Variants in TRDN observed in about 807,000 individuals in gnomAD.
TRDN encodes the protein triadin in skeletal muscle.
In TRDN, 161 loss-of-function variants were observed where a neutral mutation model predicts 149.7. The ratio of observed to expected loss-of-function variants is 1.08; its 90% CI spans 0.95 to 1.23. TRDN has a LOEUF of 1.23. TRDN is among the 50% of genes most tolerant of loss of function. TRDN has a pLI of 0.00. For synonymous variants in TRDN, 294 were observed against 250.5 expected (o/e 1.17, Z -1.64); for missense variants, 896 against 823.5 (o/e 1.09, Z -1.08).
intron 1 of TRDN, among the ~76,000 whole-genome samples, chr6:123,606,666 T>C (rs1359607656): frequency 2.0e-5 from 3 of 152,280 alleles, no homozygotes; most frequent in Middle Eastern, 3.4e-3. Context: ...GCAGTATTTA[T>C]TTAATAACCC....
intron 9 of TRDN, among the ~76,000 whole-genome samples, chr6:123,495,619 G>A (rs1778414782): frequency 6.6e-6 from 1 of 152,138 alleles, no homozygotes; most frequent in Non-Finnish European, 1.5e-5. Context: ...TCCTGCCTCA[G>A]CTTCCTAAAG....
At chr6:123,510,745 G>T (rs1252779924) in intron 7 of TRDN, among the ~76,000 whole-genome samples, 1 of 151,540 alleles carries the variant, frequency 6.6e-6, no homozygotes, top group Non-Finnish European at 1.5e-5. Context: ...CAGGTTTCAA[G>T]GTATTCTCCT....
chr6:123,420,349 T>C (rs1253572819), intron 12 of TRDN, among the ~76,000 whole-genome samples: 1 of 151,772 alleles, frequency 6.6e-6, no homozygotes, highest in Non-Finnish European at 1.5e-5. Flanking sequence ...AAATGCTCTT[T>C]CTGGTTCTAC....
At chr6:123,500,463 A>G (rs1479888691) in intron 8 of TRDN, among the ~76,000 whole-genome samples, 1 of 152,186 alleles carries the variant, frequency 6.6e-6, no homozygotes, top group African/African-American at 2.4e-5. Context: ...TGTTCTAAAA[A>G]TGTTTCTTTA....
intron 21 of TRDN, chr6:123,350,974 A>T: frequency 1.0e-6 from 1 of 985,044 alleles, no homozygotes; most frequent in Non-Finnish European, 1.2e-6. Flanking sequence ...ACTGACACCA[A>T]TGTGATGATC....
chr6:123,440,707 T>G (rs1774827835), intron 10 of TRDN, among the ~76,000 whole-genome samples: 1 of 152,194 alleles, frequency 6.6e-6, no homozygotes, highest in African/African-American at 2.4e-5. Flanking sequence ...GAATAAATAT[T>G]TCATTAAAAA....
At chr6:123,476,526 C>T (rs1777482286) in intron 9 of TRDN, among the ~76,000 whole-genome samples, 1 of 135,392 alleles carries the variant, frequency 7.4e-6, no homozygotes. Context: ...ATCAAGCTAC[C>T]AATGACTTTC....
chr6:123,300,983 T>C (rs907673319), intron 24 of TRDN, among the ~76,000 whole-genome samples: 2 of 151,980 alleles, frequency 1.3e-5, no homozygotes, highest in Admixed American at 1.3e-4. Flanking sequence ...ATCATTCAAA[T>C]ACATTAACTG....
chr6:123,550,663 TCTC>T (rs1229590165), intron 2 of TRDN, among the ~76,000 whole-genome samples: 1 of 152,066 alleles, frequency 6.6e-6, no homozygotes, highest in East Asian at 1.9e-4. Flanking sequence ...GATGGGAAGA[TCTC>T]ATAGAGAGCG....
intron 9 of TRDN, among the ~76,000 whole-genome samples, chr6:123,465,603 A>AAAG (rs1776748967): frequency 4.6e-5 from 6 of 131,742 alleles, no homozygotes; most frequent in African/African-American, 1.9e-4. Flanking sequence ...AAAAAAAAAA[A>AAAG]AGAGAGAGAG....
chr6:123,527,528 T>G (rs1477109108), intron 5 of TRDN, among the ~76,000 whole-genome samples: 1 of 151,940 alleles, frequency 6.6e-6, no homozygotes, highest in East Asian at 1.9e-4. Flanking sequence ...ATCACCCTAA[T>G]GTGGAATCAG....
In TRDN at chr6:123,331,891, G is replaced by C; in HGVS notation, c.1459C>G (p.Leu487Val). The change falls in exon 23 of 41, where the codon CTA becomes GTA. Residue 487 changes from leucine (L) to valine (V), a missense_variant. Physicochemically the swap from Leu to Val is conservative, Grantham distance 32. Transcript: ENST00000334268. ...TGTATAATATTACCTTTTTCCTTTA[G>C]GGAAGCTGGAACTTTCTCTTCTTTC... ...KGKEEKVPAS[L>V]KEKEPETKKD... 1 of 1,544,912 alleles carries C rather than the reference G, an allele frequency of 6.5e-7. No individual in the cohort carries two copies. Among genetic ancestry groups the C allele is most frequent in the East Asian group, 2.4e-5 (1 of 42,080 alleles).
chr6:123,496,725 G>A (rs1479223775), intron 9 of TRDN, among the ~76,000 whole-genome samples: 1 of 151,994 alleles, frequency 6.6e-6, no homozygotes, highest in African/African-American at 2.4e-5. Context: ...GTTCTTTGGA[G>A]TGGCTAAACC....
At chr6:123,379,824 T>C (rs1326824096) in intron 16 of TRDN, among the ~76,000 whole-genome samples, 1 of 152,204 alleles carries the variant, frequency 6.6e-6, no homozygotes, top group African/African-American at 2.4e-5. Flanking sequence ...AAAAAAATTA[T>C]AGCTCACAAA....
intron 2 of TRDN, among the ~76,000 whole-genome samples, chr6:123,568,545 G>A (rs1782405486): frequency 6.6e-6 from 1 of 152,240 alleles, no homozygotes. Context: ...CTGAAATCTA[G>A]GTGGAGGCTG....
intron 32 of TRDN, among the ~76,000 whole-genome samples, chr6:123,266,879 TG>T (rs1435830113): frequency 1.4e-5 from 2 of 142,988 alleles, no homozygotes; most frequent in African/African-American, 5.2e-5. Flanking sequence ...GAGGCCGAGG[TG>T]GGTGGATCAC....
At chr6:123,605,537 A>C (rs947036460) in intron 1 of TRDN, among the ~76,000 whole-genome samples, 27 of 149,718 alleles carry the variant, frequency 1.8e-4, no homozygotes, top group African/African-American at 6.5e-4. Context: ...CTGTAACTCC[A>C]GCATTTTGGG....
At chr6:123,567,982 A>T (rs1343648052) in intron 2 of TRDN, among the ~76,000 whole-genome samples, 1 of 152,192 alleles carries the variant, frequency 6.6e-6, no homozygotes, top group East Asian at 1.9e-4. Context: ...CTGGAAATAA[A>T]TTCCTTCCAC....
chr6:123,270,922 T>C (rs1777185015), intron 30 of TRDN, among the ~76,000 whole-genome samples: 1 of 152,022 alleles, frequency 6.6e-6, no homozygotes. Context: ...CTTAAAGTTA[T>C]GCTACTCTAG....
Sources: gnomAD v4.1 joint callset for allele counts (sites outside exome capture counted in the v4.1 genomes callset) on GRCh38, gnomAD v4.1.1 for gene constraint, MANE v1.5 for transcripts, NCBI Gene and HGNC (gene_info 2026-07-23, HGNC 2026-07-21) for gene names.